ARHGAP23: variants seen among roughly 807,000 people sequenced by gnomAD.
The protein encoded by ARHGAP23 is Rho GTPase activating protein 23, also known as rho GTPase-activating protein 23.
Under a neutral mutation model 136.3 loss-of-function variants are expected in ARHGAP23, and 34 were observed. That is an observed-to-expected ratio of 0.25 (90% CI 0.19 to 0.33). ARHGAP23 has a LOEUF of 0.33. Ranked by LOEUF, ARHGAP23 falls within the 10% of genes least tolerant of loss-of-function variation. The probability of loss-of-function intolerance (pLI) is 1.00; values close to 1 mark genes in which losing one functional copy is unlikely to be tolerated. For missense variants in ARHGAP23, 1,808 were observed against 2,139.0 expected, an observed-to-expected ratio of 0.85 and a Z score of 3.05; for synonymous variants, 832 against 920.5, an observed-to-expected ratio of 0.90 and a Z score of 1.74.
chr17:38,487,728 G>A (rs577238930), intron 17 of ARHGAP23, among the ~76,000 whole-genome samples: 1 of 152,036 alleles, frequency 6.6e-6, no homozygotes, highest in Admixed American at 6.6e-5. Context: ...GCTGGATGTG[G>A]TGGCGGGTGC....
At chr17:38,443,969 G>A (rs900235340) in intron 1 of ARHGAP23, among the ~76,000 whole-genome samples, 3 of 152,114 alleles carry the variant, frequency 2.0e-5, no homozygotes, top group South Asian at 2.1e-4. Context: ...ACTGTCCAGC[G>A]TGAGACCAGG....
intron 11 of ARHGAP23, among the ~76,000 whole-genome samples, chr17:38,474,030 T>C (rs113353816): frequency 0.86 from 130,809 of 152,150 alleles, 56,339 homozygotes; most frequent in South Asian, 0.93. Flanking sequence ...AAGCAATTCT[T>C]GAGCCTCAGC....
At chr17:38,509,192 G>T (rs1251637141) in intron 23 of ARHGAP23, among the ~76,000 whole-genome samples, 1 of 152,150 alleles carries the variant, frequency 6.6e-6, no homozygotes, top group African/African-American at 2.4e-5. Flanking sequence ...AACACCACAG[G>T]GTGTAGCAGT....
rs1412577527 is a variant in ARHGAP23 at position 38,462,859 on chromosome 17, G to A, written c.267G>A (p.Arg89=). 5.9e-6 allele frequency: 9 copies of A among 1,522,636 alleles called. No individual in the cohort carries two copies. In the South Asian group the frequency reaches 7.5e-5, roughly 13 times the overall value. 94.3% of individuals were successfully genotyped at this position (1,522,636 alleles called of 1,614,324 possible). The change falls in exon 4 of 24, where the codon CGG becomes CGA. Residue 89 remains arginine (R), a synonymous_variant. Transcript: ENST00000622683. ...NGGRGGGPSP[R]YRLEPMDTIF... ...GATGCCCACTAGGACCCTCCCCCCG[G>A]TACCGCCTGGAGCCCATGGACACCA...
Position 38,510,388 on chromosome 17 carries a change from G to GT in ARHGAP23, c.3892_3893insT (p.Gly1298ValfsTer119). 1 of 1,242,338 alleles carries GT rather than the reference G, an allele frequency of 8.0e-7. No individual in the cohort carries two copies. The highest frequency in any genetic ancestry group is 1.0e-6 in the Non-Finnish European group (1 of 994,572). The allele number at this position is 1,242,338 out of a possible 1,614,324, so 77.0% of individuals were successfully genotyped here. A position where few individuals can be genotyped will look rare whatever the true frequency, so the allele number is the denominator to read the frequency against. ...TGAGGGCGCGGCGGGCGCGGGGCCT[G>GT]GGGGGCGCCTGACACGCCGGCCGTC... On this transcript the variant is annotated frameshift_variant, in exon 24 of 24. Coordinates refer to ENST00000622683, the MANE Select transcript of ARHGAP23 (RefSeq NM_001199417.2). LOFTEE classifies it high-confidence loss of function. The surrounding 1 kb of genome is among the most constrained non-coding windows in gnomAD (Gnocchi z 4.6).
intron 13 of ARHGAP23, 37 bp downstream of exon 13, chr17:38,479,534 G>A: frequency 1.3e-6 from 2 of 1,538,552 alleles, no homozygotes; most frequent in Non-Finnish European, 1.8e-6. Context: ...CTCCTCTGTG[G>A]GGGTGGTAGG....
At chr17:38,465,582 C>T (rs1329243744) in intron 6 of ARHGAP23, among the ~76,000 whole-genome samples, 1 of 152,228 alleles carries the variant, frequency 6.6e-6, no homozygotes, top group African/African-American at 2.4e-5. Flanking sequence ...AAATTCCAGG[C>T]CCAGGGGTGG....
chr17:38,491,140 T>C (rs553048423), intron 19 of ARHGAP23, among the ~76,000 whole-genome samples: 7 of 152,326 alleles, frequency 4.6e-5, no homozygotes, highest in African/African-American at 9.6e-5. Flanking sequence ...CTGCAGGGTC[T>C]CCCACTGCTG....
intron 1 of ARHGAP23, among the ~76,000 whole-genome samples, chr17:38,437,208 A>AGT (rs2038816268): frequency 6.9e-6 from 1 of 144,232 alleles, no homozygotes; most frequent in African/African-American, 2.6e-5. Context: ...TGACGCCAGG[A>AGT]TTTTTTTTTT....
rs778000637 is a variant in ARHGAP23, at chr17:38,469,289, G to A, written c.1794G>A (p.Ser598=). The part of the protein sequence containing the change: ...TFTFTLGRHY[S]QDCSSIKAGR... ...CTTTCACCCTCGGACGCCATTACTC[G>A]CAGGACTGCAGTGAGCACTCCCCAC... Residue 598 remains serine, a synonymous_variant, in exon 8 of 24, where the codon TCG becomes TCA. Coordinates refer to ENST00000622683, the MANE Select transcript of ARHGAP23 (RefSeq NM_001199417.2). 77 of 1,550,452 alleles carry A rather than the reference G, an allele frequency of 5.0e-5. No homozygotes were observed. Among genetic ancestry groups the A allele is most frequent in the African/African-American group, 2.2e-4 (16 of 72,972 alleles).
upstream of ARHGAP23, among the ~76,000 whole-genome samples, chr17:38,425,841 T>G (rs2038564207): frequency 7.0e-6 from 1 of 142,248 alleles, no homozygotes; most frequent in Admixed American, 7.1e-5. Context: ...AGGGTGGGGG[T>G]GCAGGTCAAG....
At chr17:38,471,613 G>T (rs1262505147) in intron 10 of ARHGAP23, among the ~76,000 whole-genome samples, 1 of 152,218 alleles carries the variant, frequency 6.6e-6, no homozygotes, top group East Asian at 1.9e-4. Flanking sequence ...GGCTCCTGTA[G>T]TGTGGTGAGG....
chr17:38,423,317 C>T (rs929320950), intron 1 of ARHGAP23, among the ~76,000 whole-genome samples: 12 of 152,092 alleles, frequency 7.9e-5, no homozygotes, highest in Admixed American at 5.9e-4. Context: ...TTCAGCCTCC[C>T]AAGTAGCTGA....
In ARHGAP23 at chr17:38,477,443, C is replaced by T; in HGVS notation, c.2119-136C>T. On this transcript the variant is annotated intron_variant, in intron 11 of 23. Transcript: ENST00000622683. The surrounding 1 kb of genome is among the most constrained non-coding windows in gnomAD (Gnocchi z 6.6). ...TGGGCAGGAGGCTGCCCAGGTCTAG[C>T]CGGGTGGAGCAGGGGGCTCCTGGTA... 6.9e-6 allele frequency: 6 copies of T among 863,448 alleles called. No individual in the cohort carries two copies. Among genetic ancestry groups the T allele is most frequent in the Non-Finnish European group, 8.8e-6 (6 of 682,918 alleles). 53.5% of individuals were successfully genotyped at this position (863,448 alleles called of 1,614,324 possible).
chr17:38,499,260 C>G (rs562137119), intron 22 of ARHGAP23, among the ~76,000 whole-genome samples: 40 of 152,366 alleles, frequency 2.6e-4, no homozygotes, highest in Non-Finnish European at 4.4e-4. Flanking sequence ...AGTCTCACCA[C>G]TGCTAGTCAT....
chr17:38,427,710 A>T (rs1401877144), upstream of ARHGAP23, among the ~76,000 whole-genome samples: 1 of 152,144 alleles, frequency 6.6e-6, no homozygotes, highest in African/African-American at 2.4e-5. Context: ...GAGCCCCAGG[A>T]CTGGCTGGGT....
At chr17:38,459,764 G>A (rs1294935817) in intron 2 of ARHGAP23, among the ~76,000 whole-genome samples, 4 of 152,192 alleles carry the variant, frequency 2.6e-5, no homozygotes, top group African/African-American at 9.6e-5. Flanking sequence ...CTGCCACCTG[G>A]CAGCCTGCAG....
rs1356291086 is a variant in ARHGAP23, at chr17:38,463,368, G to T, written c.469G>T (p.Asp157Tyr). 1 of 1,551,688 alleles carries T rather than the reference G, an allele frequency of 6.4e-7. No homozygotes were observed. ...GCTGTCTATCATGCCCAAGGACGAG[G>T]ACATCCTCCAGCTGGTGAGTCCAGC... ...LELSIMPKDE[D>Y]ILQLAYSQDA... The change falls in exon 6 of 24, where the codon GAC becomes TAC. Residue 157 changes from aspartate to tyrosine, a missense_variant. By Grantham distance (160) the Asp-to-Tyr change is radical. Coordinates refer to ENST00000622683, the MANE Select transcript of ARHGAP23 (RefSeq NM_001199417.2).
chr17:38,479,284 G>A (rs2144706165), intron 12 of ARHGAP23, among the ~76,000 whole-genome samples, 152 bp from the exon 13 acceptor site: 1 of 152,228 alleles, frequency 6.6e-6, no homozygotes, highest in East Asian at 1.9e-4. Context: ...TGGTGAGAGG[G>A]TGCTGGGGAG....
Sources: allele counts gnomAD v4.1 joint callset (sites outside exome capture counted in the v4.1 genomes callset), GRCh38; gene constraint gnomAD v4.1.1; non-coding constraint Gnocchi (gnomAD v3.1); transcripts MANE v1.5; gene names NCBI Gene and HGNC (gene_info 2026-07-23, HGNC 2026-07-21).